DUSP8: variants seen among roughly 807,000 people sequenced by gnomAD.
DUSP8 encodes dual specificity phosphatase 8.
DUSP8 carries 15 observed loss-of-function variants against 38.7 expected under a neutral mutation model. The ratio of observed to expected loss-of-function variants is 0.39; its 90% CI spans 0.26 to 0.60. DUSP8 has a LOEUF of 0.60. DUSP8 is among the 20% of genes least tolerant of loss of function. DUSP8 has a pLI of 0.56. For synonymous variants in DUSP8, 458 were observed against 433.9 expected, an observed-to-expected ratio of 1.06 and a Z score of -0.69; for missense variants, 768 against 915.0, an observed-to-expected ratio of 0.84 and a Z score of 2.07.
chr11:1,570,916 A>C (rs1457557770), intron 1 of DUSP8, among the ~76,000 whole-genome samples: 1 of 151,808 alleles, frequency 6.6e-6, no homozygotes, highest in East Asian at 1.9e-4. Flanking sequence ...GCACAAAAGG[A>C]GCTTCCCTGG....
intron 1 of DUSP8, among the ~76,000 whole-genome samples, chr11:1,568,761 C>G (rs575448758): frequency 6.6e-6 from 1 of 152,200 alleles, no homozygotes; most frequent in Non-Finnish European, 1.5e-5. Context: ...TGCAGCTCGC[C>G]GGCTCCCCGC....
In DUSP8 at chr11:1,558,846, C is replaced by G. The variant is rs769406408; in HGVS notation, c.537+43G>C. 1 of 1,567,846 alleles carries G rather than the reference C, an allele frequency of 6.4e-7. No individual in the cohort carries two copies. The highest frequency in any genetic ancestry group is 2.3e-5 in the East Asian group (1 of 43,686). On this transcript the variant is annotated intron_variant, in intron 4 of 6. Coordinates refer to ENST00000397374, the MANE Select transcript of DUSP8 (RefSeq NM_004420.3). The surrounding 1 kb of genome is among the most constrained non-coding windows in gnomAD (Gnocchi z 6.3). ...GCCAAGCTGCTTCTGGAGCTCCTGC[C>G]CCTTTCCCATTGACCACCCCCCGAA... is the stretch of plus-strand genomic sequence containing the variant.
At position 1,564,128 on chromosome 11, in the gene DUSP8, G is replaced by A. The variant is rs1177978483; in HGVS notation, c.232-139C>T. 6 of 1,088,586 alleles carry A rather than the reference G, an allele frequency of 5.5e-6. No individual in the cohort carries two copies. In the Admixed American group the frequency reaches 1.1e-4, roughly 19 times the overall value. 67.4% of individuals were successfully genotyped at this position (1,088,586 alleles called of 1,614,324 possible). ...GCAGCTGTCACCTTGCTGCCTGGAG[G>A]GGAGGGCAGGTGCAGTCACACACTC... On this transcript the variant is annotated intron_variant, in intron 2 of 6. Transcript: ENST00000397374.
At chr11:1,567,248 C>A (rs963921625) in intron 1 of DUSP8, among the ~76,000 whole-genome samples, 2 of 152,174 alleles carry the variant, frequency 1.3e-5, no homozygotes, top group Non-Finnish European at 2.9e-5. Context: ...AAGCGGGCTA[C>A]GGTGGGTAGC....
intron 3 of DUSP8, among the ~76,000 whole-genome samples, chr11:1,562,704 T>TACATGCACACACATGCTC (rs1848741694): frequency 7.3e-6 from 1 of 136,980 alleles, no homozygotes; most frequent in Non-Finnish European, 1.6e-5. Context: ...CACACACACA[T>TACATGCACACACATGCTC]ACATGCACAC....
Position 1,555,304 on chromosome 11 carries a change from TG to T in DUSP8, c.*1213del. 1 of 987,180 alleles carries T rather than the reference TG, an allele frequency of 1.0e-6. No individual in the cohort carries two copies. The highest frequency in any genetic ancestry group is 4.7e-5 in the South Asian group (1 of 21,324). The allele number at this position is 987,180 out of a possible 1,614,324, so 61.2% of individuals were successfully genotyped here. ...TCTCTCCTGAGCGGCCCCATGGGGGTGGGGGCAAACGAGGGGGCTTTACCTG... is the reference window on the plus strand; with the variant it reads ...TCTCTCCTGAGCGGCCCCATGGGGGTGGGGCAAACGAGGGGGCTTTACCTG... On this transcript the variant is annotated 3_prime_UTR_variant, in exon 7 of 7. Transcript: ENST00000397374.
chr11:1,563,393 C>A (rs1374109421), intron 3 of DUSP8, among the ~76,000 whole-genome samples: 1 of 152,198 alleles, frequency 6.6e-6, no homozygotes, highest in East Asian at 1.9e-4. Context: ...GCCCAGGCTG[C>A]TTTTGGGCCA....
chr11:1,562,169 C>G (rs1184836303), intron 3 of DUSP8, among the ~76,000 whole-genome samples: 1 of 152,184 alleles, frequency 6.6e-6, no homozygotes, highest in Non-Finnish European at 1.5e-5. Flanking sequence ...GTCCCACCCA[C>G]CAGTGCTGGG....
upstream of DUSP8, among the ~76,000 whole-genome samples, chr11:1,572,429 C>CGGG (rs746042981): frequency 1.4e-4 from 4 of 29,458 alleles, no homozygotes; most frequent in African/African-American, 3.4e-4. This position sits in a 1 kb window ranked among gnomAD's most constrained non-coding sequence, Gnocchi z 4.7. Context: ...GCGGCTGCCG[C>CGGG]GGGGGGGGGG....
chr11:1,568,088 C>T (rs1315184508), intron 1 of DUSP8, among the ~76,000 whole-genome samples: 1 of 152,192 alleles, frequency 6.6e-6, no homozygotes, highest in Non-Finnish European at 1.5e-5. Flanking sequence ...GGCAGGGACA[C>T]TTGGGCTGGG....
rs115555487 is a variant in DUSP8 at position 1,559,400 on chromosome 11, C to T, written c.371-345G>A. 4.8e-3 allele frequency: 1,666 copies of T among 347,270 alleles called. 23 individuals are homozygous for T. Among genetic ancestry groups the T allele is most frequent in the African/African-American group, 0.033 (1,552 of 46,808 alleles). The allele number at this position is 347,270 out of a possible 1,614,324, so 21.5% of individuals were successfully genotyped here. A position where few individuals can be genotyped will look rare whatever the true frequency, so the allele number is the denominator to read the frequency against. On this transcript the variant is annotated intron_variant, in intron 3 of 6. Transcript: ENST00000397374. ...CGCTGGGCCCAGGCAGGGGTGGGCT[C>T]AGAGGCCACAGGGGTCTCCTGCTGA...
At chr11:1,567,460 G>T (rs951218377) in intron 1 of DUSP8, among the ~76,000 whole-genome samples, 1 of 152,210 alleles carries the variant, frequency 6.6e-6, no homozygotes, top group Admixed American at 6.5e-5. Flanking sequence ...TGTGGACCTC[G>T]TCCCTGGCCC....
At chr11:1,566,513 C>G (rs755753318) in intron 1 of DUSP8, among the ~76,000 whole-genome samples, 72 of 152,192 alleles carry the variant, frequency 4.7e-4, no homozygotes, top group Non-Finnish European at 8.1e-4. Context: ...GGAGAGTGGG[C>G]TCCCGGGGGC....
Position 1,557,931 on chromosome 11 carries a change from C to T in DUSP8, c.698-14G>A. The T allele has an allele frequency of 6.2e-7, 1 of 1,613,662 alleles. No homozygotes were observed. Among genetic ancestry groups the T allele is most frequent in the Non-Finnish European group, 8.5e-7 (1 of 1,179,972 alleles). On this transcript the variant is annotated splice_polypyrimidine_tract_variant and intron_variant, in intron 5 of 6. Transcript: ENST00000397374. This position sits in a 1 kb window ranked among gnomAD's most constrained non-coding sequence, Gnocchi z 9.9. ...GCTTGGCTTTATCTGGGCAGGTGGG[C>T]CATGGGGGCCAGGTGAGGGCTAAGA...
intron 1 of DUSP8, among the ~76,000 whole-genome samples, chr11:1,569,820 G>A (rs1848860244): frequency 6.6e-6 from 1 of 152,186 alleles, no homozygotes; most frequent in South Asian, 2.1e-4. Context: ...TCACACCTAG[G>A]CAGGCTCTTG....
chr11:1,561,799 G>C (rs1179065383), intron 3 of DUSP8, among the ~76,000 whole-genome samples: 3 of 151,304 alleles, frequency 2.0e-5, no homozygotes, highest in African/African-American at 7.2e-5. Flanking sequence ...CTGGGTGAGG[G>C]GCAGCACCCC....
chr11:1,554,695 AGGGGTGG>A lies in DUSP8; in HGVS notation c.*1816_*1822del. Reference sequence around the variant, plus strand: ...CAGACCACTGTCTCCCGGACAGCACAGGGGTGGGGGGCGAGAAGCGGGAAGCCAGTGC... The same window carrying A: ...CAGACCACTGTCTCCCGGACAGCACAGGGGCGAGAAGCGGGAAGCCAGTGC... On this transcript the variant is annotated 3_prime_UTR_variant, in exon 7 of 7. Transcript: ENST00000397374. 1.1e-6 allele frequency: 1 copy of A among 883,828 alleles called. No homozygotes were observed. Among genetic ancestry groups the A allele is most frequent in the Non-Finnish European group, 1.4e-6 (1 of 735,168 alleles). 54.7% of individuals were successfully genotyped at this position (883,828 alleles called of 1,614,324 possible). A position where few individuals can be genotyped will look rare whatever the true frequency, so the allele number is the denominator to read the frequency against.
Position 1,565,713 on chromosome 11 carries a change from G to A in DUSP8, c.114C>T (p.Tyr38=), listed in dbSNP as rs1848791473. The change falls in exon 2 of 7, where the codon TAC becomes TAT. Residue 38 remains tyrosine (Y), a synonymous_variant. Transcript: ENST00000397374. ...LVIDSRSFVE[Y]NSWHVLSSVN... Reference sequence around the variant, plus strand: ...CGGAGCTGAGCACATGCCAGCTGTTGTACTCCACGAAGGAGCGGCTGTCGA... The same window carrying A: ...CGGAGCTGAGCACATGCCAGCTGTTATACTCCACGAAGGAGCGGCTGTCGA... 10 of 1,611,852 alleles carry A rather than the reference G, an allele frequency of 6.2e-6. No homozygotes were observed. Among genetic ancestry groups the A allele is most frequent in the Non-Finnish European group, 8.5e-6 (10 of 1,179,716 alleles).
In DUSP8 at chr11:1,557,590, C is replaced by T. The variant is rs1445482108; in HGVS notation, c.822-16G>A. 3.9e-6 allele frequency: 6 copies of T among 1,540,708 alleles called. No individual in the cohort carries two copies. In the African/African-American group the frequency reaches 6.8e-5, roughly 18 times the overall value. On this transcript the variant is annotated splice_polypyrimidine_tract_variant and intron_variant, in intron 6 of 6. Transcript: ENST00000397374. This position sits in a 1 kb window ranked among gnomAD's most constrained non-coding sequence, Gnocchi z 9.9. The stretch of plus-strand genomic sequence containing the variant: ...CTTCACGAACCTGCGGGGGAGGAGG[C>T]TCAGTCCCAGGCGCCCGCCGGGGCC...
Sources: allele counts gnomAD v4.1 joint callset (sites outside exome capture counted in the v4.1 genomes callset), GRCh38; gene constraint gnomAD v4.1.1; non-coding constraint Gnocchi (gnomAD v3.1); transcripts MANE v1.5; gene names NCBI Gene and HGNC (gene_info 2026-07-23, HGNC 2026-07-21).